Variants in SNX29 observed in about 807,000 individuals in gnomAD.
SNX29 encodes the protein sorting nexin 29.
A neutral mutation model predicts 102.1 loss-of-function variants in SNX29; 78 were observed. That is an observed-to-expected ratio of 0.76 (90% CI 0.64 to 0.92). The LOEUF is 0.92. Among genes scored for constraint, SNX29 ranks in the 40% least tolerant of loss-of-function variants. The pLI is 0.00. For synonymous variants in SNX29, 580 were observed against 414.5 expected, an observed-to-expected ratio of 1.40 and a Z score of -4.85; for missense variants, 1,280 against 1,061.7, an observed-to-expected ratio of 1.21 and a Z score of -2.86.
chr16:12,347,810 G>A (rs556313303), intron 15 of SNX29, among the ~76,000 whole-genome samples: 1 of 151,978 alleles, frequency 6.6e-6, no homozygotes, highest in African/African-American at 2.4e-5. Context: ...GGGTGTGGTG[G>A]GTCATGCCTA....
chr16:12,205,977 C>T (rs781457357), intron 14 of SNX29, among the ~76,000 whole-genome samples: 1 of 152,210 alleles, frequency 6.6e-6, no homozygotes, highest in Non-Finnish European at 1.5e-5. Flanking sequence ...AGATCTGTTG[C>T]AGCTGTGGAG....
chr16:12,519,765 G>GATCACCTGAGGGCAGGAGT (rs1197146130), intron 19 of SNX29, among the ~76,000 whole-genome samples: 1 of 152,096 alleles, frequency 6.6e-6, no homozygotes, highest in African/African-American at 2.4e-5. Context: ...GAGGCAGGTG[G>GATCACCTGAGGGCAGGAGT]ATCACCTGAG....
intron 1 of SNX29, among the ~76,000 whole-genome samples, chr16:11,987,231 A>ATT (rs962645965): frequency 6.8e-6 from 1 of 147,466 alleles, no homozygotes. Flanking sequence ...TACCTGGCTA[A>ATT]TTTTTTTTTT....
chr16:12,154,861 T>G (rs917942478), intron 13 of SNX29, among the ~76,000 whole-genome samples: 1 of 152,184 alleles, frequency 6.6e-6, no homozygotes, highest in Non-Finnish European at 1.5e-5. Context: ...CGAATCCCAT[T>G]CATAAAGGGC....
At chr16:12,531,318 G>T (rs1041159960) in intron 20 of SNX29, among the ~76,000 whole-genome samples, 1 of 152,222 alleles carries the variant, frequency 6.6e-6, no homozygotes, top group Non-Finnish European at 1.5e-5. Flanking sequence ...AGCCCTGGCA[G>T]GTGTGTGAAC....
At chr16:12,146,541 C>T (rs1411423867) in intron 13 of SNX29, among the ~76,000 whole-genome samples, 1 of 152,188 alleles carries the variant, frequency 6.6e-6, no homozygotes, top group Non-Finnish European at 1.5e-5. Flanking sequence ...GCTGAGATTA[C>T]AGGTGTGAGC....
At chr16:12,355,998 T>C (rs7190509) in intron 15 of SNX29, among the ~76,000 whole-genome samples, 165 bp from the exon 16 acceptor site, 84,410 of 151,902 alleles carry the variant, frequency 0.56, 24,068 homozygotes, top group African/African-American at 0.63. Flanking sequence ...ATTGAGCTTA[T>C]GGGTGGATTG....
At position 12,023,737 on chromosome 16, in the gene SNX29, G is replaced by A. The variant is rs928914370; in HGVS notation, c.123-3583G>A. Among the ~76,000 whole-genome samples the A allele has an allele frequency of 2.6e-5, 4 of 152,158 alleles. No homozygotes were observed. The South Asian group carries it at 6.2e-4, about 24-fold the overall frequency. On this transcript the variant is annotated intron_variant, in intron 3 of 20. Coordinates refer to ENST00000566228, the MANE Select transcript of SNX29 (RefSeq NM_032167.5). ...AGATGGGAAGCAGTGGAAAGCCTTA[G>A]TGTGACCTCGTGTATGACATAGTGC...
At chr16:12,219,257 TC>T in intron 14 of SNX29, among the ~76,000 whole-genome samples, 1 of 150,232 alleles carries the variant, frequency 6.7e-6, no homozygotes. Flanking sequence ...ATCTACATCA[TC>T]TTTTTTTTTT....
At chr16:12,402,775 A>G (rs1449225853) in intron 17 of SNX29, among the ~76,000 whole-genome samples, 1 of 152,228 alleles carries the variant, frequency 6.6e-6, no homozygotes, top group African/African-American at 2.4e-5. Context: ...ATTTGAATTT[A>G]AACCTTGGTG....
chr16:12,540,139 T>TTA (rs530264378), intron 20 of SNX29, among the ~76,000 whole-genome samples: 1 of 152,158 alleles, frequency 6.6e-6, no homozygotes, highest in African/African-American at 2.4e-5. Flanking sequence ...CCTCAAAGTT[T>TTA]TATAGCTTTA....
intron 13 of SNX29, among the ~76,000 whole-genome samples, chr16:12,158,704 C>T (rs901447240): frequency 5.9e-5 from 9 of 152,204 alleles, no homozygotes; most frequent in South Asian, 2.1e-4. Context: ...CAACGTGCAC[C>T]GGAGACTCGG....
At chr16:12,326,990 CTGA>C (rs1172539687) in intron 15 of SNX29, among the ~76,000 whole-genome samples, 2 of 152,146 alleles carry the variant, frequency 1.3e-5, no homozygotes, top group African/African-American at 4.8e-5. Context: ...GGGGGCGTGG[CTGA>C]TGATGGGGTT....
intron 13 of SNX29, among the ~76,000 whole-genome samples, chr16:12,150,557 G>T (rs1239911964): frequency 3.3e-5 from 5 of 152,236 alleles, no homozygotes; most frequent in Non-Finnish European, 5.9e-5. Flanking sequence ...TGAAGAGTGA[G>T]TCTGCATCAC....
chr16:12,253,896 G>C (rs1013272776), intron 14 of SNX29, among the ~76,000 whole-genome samples: 3 of 152,178 alleles, frequency 2.0e-5, no homozygotes, highest in Non-Finnish European at 4.4e-5. Flanking sequence ...GCACAAGGCG[G>C]TGGTGGCTGG....
intron 20 of SNX29, among the ~76,000 whole-genome samples, chr16:12,568,304 T>TGA (rs1555465909): frequency 2.7e-5 from 4 of 146,340 alleles, no homozygotes; most frequent in African/African-American, 7.6e-5. Flanking sequence ...GGAGTGCTGT[T>TGA]AAAAAAAAAA....
At chr16:12,014,970 A>AT (rs975089479) in intron 3 of SNX29, among the ~76,000 whole-genome samples, 14 of 150,838 alleles carry the variant, frequency 9.3e-5, no homozygotes, top group African/African-American at 1.7e-4. Flanking sequence ...TTGGTCAACT[A>AT]TTTTTTTTGG....
intron 13 of SNX29, among the ~76,000 whole-genome samples, chr16:12,130,898 G>C (rs533015016): frequency 2.6e-5 from 4 of 152,136 alleles, no homozygotes; most frequent in Non-Finnish European, 5.9e-5. Flanking sequence ...TAACCAGCCT[G>C]CTGACAGCGA....
At chr16:12,344,631 C>T (rs138335987) in intron 15 of SNX29, among the ~76,000 whole-genome samples, 15 of 152,338 alleles carry the variant, frequency 9.8e-5, no homozygotes, top group Non-Finnish European at 1.5e-5. Context: ...TAAGTTAACA[C>T]AAGGATGGGG....
Sources: allele counts gnomAD v4.1 joint callset (sites outside exome capture counted in the v4.1 genomes callset), GRCh38; gene constraint gnomAD v4.1.1; transcripts MANE v1.5; gene names NCBI Gene and HGNC (gene_info 2026-07-23, HGNC 2026-07-21).